SORCS3: variants seen among roughly 807,000 people sequenced by gnomAD.
SORCS3 encodes sortilin related VPS10 domain containing receptor 3, also known as VPS10 domain-containing receptor SorCS3.
A neutral mutation model predicts 146.3 loss-of-function variants in SORCS3; 57 were observed. That is an observed-to-expected ratio of 0.39 (90% CI 0.31 to 0.49). The LOEUF (loss-of-function observed/expected upper bound fraction) is 0.49. Ranked by LOEUF, SORCS3 falls within the 20% of genes least tolerant of loss-of-function variation. SORCS3 has a pLI of 0.92. For synonymous variants in SORCS3, 653 were observed against 618.5 expected (o/e 1.06, Z -0.83); for missense variants, 1,341 against 1,575.5 (o/e 0.85, Z 2.52).
chr10:104,949,853 C>T (rs1195962195), intron 3 of SORCS3, among the ~76,000 whole-genome samples: 2 of 152,170 alleles, frequency 1.3e-5, no homozygotes, highest in East Asian at 1.9e-4. Context: ...GATTATTAGC[C>T]ACTTGGCAGA....
chr10:105,064,073 G>A (rs1233971905), intron 5 of SORCS3, among the ~76,000 whole-genome samples: 1 of 152,198 alleles, frequency 6.6e-6, no homozygotes, highest in Non-Finnish European at 1.5e-5. Context: ...TTGAACATCT[G>A]CTAGGAGTCA....
At chr10:104,981,157 C>T (rs1187145746) in intron 4 of SORCS3, among the ~76,000 whole-genome samples, 2 of 152,170 alleles carry the variant, frequency 1.3e-5, no homozygotes, top group Admixed American at 6.5e-5. Flanking sequence ...GGCATTTGAT[C>T]AATTCCTTCT....
At chr10:104,997,569 G>A (rs538908075) in intron 4 of SORCS3, among the ~76,000 whole-genome samples, 1 of 152,114 alleles carries the variant, frequency 6.6e-6, no homozygotes, top group Non-Finnish European at 1.5e-5. Context: ...AGAAGAAGAA[G>A]GTACATCAGG....
At chr10:104,884,812 C>A (rs2018665791) in intron 2 of SORCS3, among the ~76,000 whole-genome samples, 1 of 151,782 alleles carries the variant, frequency 6.6e-6, no homozygotes, top group Non-Finnish European at 1.5e-5. Context: ...CAGCAAAGCT[C>A]TCCATAATCT....
chr10:104,710,339 C>T (rs773638618), intron 1 of SORCS3, among the ~76,000 whole-genome samples: 3 of 152,132 alleles, frequency 2.0e-5, no homozygotes, highest in Admixed American at 6.5e-5. Flanking sequence ...GGGGAAGGAC[C>T]TTTGCTTCAT....
chr10:105,226,137 T>G (rs2990519), intron 20 of SORCS3, among the ~76,000 whole-genome samples: 1 of 151,936 alleles, frequency 6.6e-6, no homozygotes, highest in Non-Finnish European at 1.5e-5. Context: ...CTTCTTGTTC[T>G]AGGCTTTAAA....
At chr10:104,967,892 TCAAA>T (rs1325807735) in intron 3 of SORCS3, among the ~76,000 whole-genome samples, 1 of 151,582 alleles carries the variant, frequency 6.6e-6, no homozygotes, top group Non-Finnish European at 1.5e-5. Context: ...ACTCCTGAGC[TCAAA>T]CAATCTGCCC....
chr10:104,770,686 G>T (rs762804253), intron 1 of SORCS3, among the ~76,000 whole-genome samples: 1 of 151,234 alleles, frequency 6.6e-6, no homozygotes, highest in Non-Finnish European at 1.5e-5. Flanking sequence ...TATATACATA[G>T]GCTGGGTGTG....
At chr10:104,664,461 T>A (rs768879354) in intron 1 of SORCS3, 4 of 152,156 alleles carry the variant, frequency 2.6e-5, no homozygotes, top group Non-Finnish European at 5.9e-5. Context: ...TTCTTCGTTT[T>A]TACAGATGAG....
chr10:105,259,366 A>T (rs1308681682), intron 25 of SORCS3, among the ~76,000 whole-genome samples: 1 of 152,226 alleles, frequency 6.6e-6, no homozygotes, highest in African/African-American at 2.4e-5. Flanking sequence ...TCCTCTCTGT[A>T]ATTGCCAGTA....
intron 1 of SORCS3, among the ~76,000 whole-genome samples, chr10:104,842,037 G>A (rs180681978): frequency 4.9e-4 from 75 of 152,296 alleles, no homozygotes; most frequent in African/African-American, 1.7e-3. Context: ...TAGAGAAAGC[G>A]CATGGGAACA....
chr10:104,919,426 C>A (rs2019064753), intron 3 of SORCS3, among the ~76,000 whole-genome samples: 1 of 151,926 alleles, frequency 6.6e-6, no homozygotes, highest in African/African-American at 2.4e-5. Context: ...CACAGTGGCT[C>A]ATGCCTGTAA....
intron 17 of SORCS3, among the ~76,000 whole-genome samples, chr10:105,213,613 C>A (rs1006803641): frequency 2.0e-5 from 3 of 152,038 alleles, no homozygotes; most frequent in Admixed American, 2.0e-4. Flanking sequence ...TCATGCAGAT[C>A]AGGGTTGTAG....
chr10:105,115,453 A>G (rs1187670066), intron 7 of SORCS3, among the ~76,000 whole-genome samples: 2 of 152,148 alleles, frequency 1.3e-5, no homozygotes, highest in Admixed American at 6.5e-5. Flanking sequence ...AGATTACTAG[A>G]TCTTTTCTCC....
intron 1 of SORCS3, among the ~76,000 whole-genome samples, chr10:104,671,480 T>G (rs535557325): frequency 5.4e-4 from 82 of 150,702 alleles, no homozygotes; most frequent in Admixed American, 2.4e-3. Flanking sequence ...GACTACAGGT[T>G]TGTGCCACCA....
intron 1 of SORCS3, among the ~76,000 whole-genome samples, chr10:104,716,581 G>A (rs1030527352): frequency 3.0e-4 from 45 of 152,116 alleles, no homozygotes; most frequent in Non-Finnish European, 5.9e-4. Flanking sequence ...GAATGAGGAT[G>A]AGAATATGAA....
intron 2 of SORCS3, among the ~76,000 whole-genome samples, chr10:104,862,034 C>T (rs1302646860): frequency 6.6e-6 from 1 of 152,156 alleles, no homozygotes; most frequent in Non-Finnish European, 1.5e-5. Flanking sequence ...AGTATGCCCT[C>T]ATCATAACTA....
rs1589588366 is a variant in SORCS3, at chr10:105,002,092, A to G, written c.954+24599A>G. Among the ~76,000 whole-genome samples, 3 of 152,146 alleles carry G rather than the reference A, an allele frequency of 2.0e-5. No individual in the cohort carries two copies. The South Asian group carries it at 6.2e-4, about 32-fold the overall frequency. ...CAATAGGTTTCAAATTATCTTTCAG[A>G]CACTAAGATGTGTGCCCAGGTAGGC... On this transcript the variant is annotated intron_variant, in intron 4 of 26. Coordinates refer to ENST00000369701, the MANE Select transcript of SORCS3 (RefSeq NM_014978.3).
chr10:105,160,794 T>G (rs1223600204), intron 11 of SORCS3, among the ~76,000 whole-genome samples: 1 of 152,244 alleles, frequency 6.6e-6, no homozygotes, highest in Non-Finnish European at 1.5e-5. Context: ...ATCCGATGCA[T>G]GCACTATGCA....
Sources: allele counts gnomAD v4.1 joint callset (sites outside exome capture counted in the v4.1 genomes callset), GRCh38; gene constraint gnomAD v4.1.1; transcripts MANE v1.5; gene names NCBI Gene and HGNC (gene_info 2026-07-23, HGNC 2026-07-21).